SLC4A4: variants seen among roughly 807,000 people sequenced by gnomAD.
The protein encoded by SLC4A4 is solute carrier family 4 member 4.
Under a neutral mutation model 111.5 loss-of-function variants are expected in SLC4A4, and 27 were observed. The observed-to-expected ratio is 0.24, with a 90% CI of 0.18 to 0.33. SLC4A4 has a LOEUF of 0.33. SLC4A4 is among the 10% of genes least tolerant of loss of function. The pLI is 1.00. For missense variants in SLC4A4, 909 were observed against 1,315.5 expected (o/e 0.69, Z 4.78); for synonymous variants, 443 against 463.4 (o/e 0.96, Z 0.57).
intron 3 of SLC4A4, among the ~76,000 whole-genome samples, chr4:71,322,635 T>G (rs1183972582): frequency 1.3e-5 from 2 of 151,988 alleles, no homozygotes; most frequent in Non-Finnish European, 2.9e-5. Context: ...ATGTGTTCAC[T>G]CTTAAGCAGA....
intron 2 of SLC4A4, among the ~76,000 whole-genome samples, chr4:71,164,193 C>T (rs558170079): frequency 6.6e-6 from 1 of 152,190 alleles, no homozygotes; most frequent in South Asian, 2.1e-4. Context: ...CCAGCCTGGC[C>T]AACATGGTGA....
chr4:71,414,557 G>A (rs910819817), intron 7 of SLC4A4, among the ~76,000 whole-genome samples: 1 of 152,124 alleles, frequency 6.6e-6, no homozygotes, highest in African/African-American at 2.4e-5. Flanking sequence ...CTTTTACCAT[G>A]CATGCCTTGA....
intron 3 of SLC4A4, among the ~76,000 whole-genome samples, chr4:71,314,960 A>G (rs1000420589): frequency 1.3e-5 from 2 of 152,192 alleles, no homozygotes; most frequent in Non-Finnish European, 2.9e-5. Flanking sequence ...TTGTGAATTT[A>G]TCAATAACCT....
At chr4:71,143,728 G>A (rs1176588959) in intron 2 of SLC4A4, among the ~76,000 whole-genome samples, 6 of 152,136 alleles carry the variant, frequency 3.9e-5, no homozygotes, top group Non-Finnish European at 4.4e-5. Flanking sequence ...GTGTCTTTTG[G>A]CTGCATAAAT....
intron 3 of SLC4A4, among the ~76,000 whole-genome samples, chr4:71,332,599 T>G (rs573647290): frequency 6.6e-6 from 1 of 151,940 alleles, no homozygotes; most frequent in African/African-American, 2.4e-5. Flanking sequence ...CGCCCGCCAC[T>G]GCGCCCGGCT....
At chr4:71,236,013 T>TA (rs1719773617) in intron 1 of SLC4A4, 1 of 987,810 alleles carries the variant, frequency 1.0e-6, no homozygotes, top group Non-Finnish European at 1.2e-6. Flanking sequence ...CAACAGAGAA[T>TA]ACTGGGCTGT....
At chr4:71,086,464 G>A (rs1019124747) in intron 1 of SLC4A4, among the ~76,000 whole-genome samples, 7 of 151,986 alleles carry the variant, frequency 4.6e-5, no homozygotes, top group Non-Finnish European at 8.8e-5. Flanking sequence ...GGTGAGAGAG[G>A]TCATCCGTGT....
chr4:71,209,905 T>C (rs1438727809), intron 1 of SLC4A4, among the ~76,000 whole-genome samples: 1 of 152,226 alleles, frequency 6.6e-6, no homozygotes, highest in Non-Finnish European at 1.5e-5. Context: ...TTTGGTTGTA[T>C]GTTATTTGGA....
chr4:71,116,299 T>G (rs1386046508), intron 2 of SLC4A4, among the ~76,000 whole-genome samples: 3 of 152,224 alleles, frequency 2.0e-5, no homozygotes, highest in Non-Finnish European at 4.4e-5. Flanking sequence ...GCTTATGTAG[T>G]TTGTCAACAC....
chr4:71,364,885 A>AT (rs1731108172), intron 6 of SLC4A4, among the ~76,000 whole-genome samples: 2 of 152,182 alleles, frequency 1.3e-5, no homozygotes, highest in African/African-American at 2.4e-5. Context: ...GTTTCTCTCC[A>AT]TTTTTTGCCT....
chr4:71,269,838 A>G (rs1025284387), intron 3 of SLC4A4, among the ~76,000 whole-genome samples: 1 of 152,224 alleles, frequency 6.6e-6, no homozygotes, highest in African/African-American at 2.4e-5. Context: ...TTTAGATCCC[A>G]GTATACTTTA....
At chr4:71,198,734 G>A (rs1337249956) in intron 1 of SLC4A4, among the ~76,000 whole-genome samples, 2 of 152,214 alleles carry the variant, frequency 1.3e-5, no homozygotes, top group Non-Finnish European at 2.9e-5. Context: ...GCTGAGGCAG[G>A]AGGATTGCTT....
intron 1 of SLC4A4, among the ~76,000 whole-genome samples, chr4:71,082,470 T>C (rs1207209343): frequency 6.6e-6 from 1 of 152,012 alleles, no homozygotes; most frequent in East Asian, 1.9e-4. Context: ...TGCTGCATGT[T>C]CTTGGTGTTT....
chr4:71,401,298 G>T (rs1333295215), intron 7 of SLC4A4, among the ~76,000 whole-genome samples: 1 of 152,166 alleles, frequency 6.6e-6, no homozygotes, highest in African/African-American at 2.4e-5. Flanking sequence ...AGTAGCGGCT[G>T]CTTTATTGAA....
At chr4:71,476,702 C>T (rs1728403307) in intron 14 of SLC4A4, among the ~76,000 whole-genome samples, 1 of 151,622 alleles carries the variant, frequency 6.6e-6, no homozygotes, top group African/African-American at 2.4e-5. Flanking sequence ...TCTAAATGCA[C>T]TTTTTTCTCC....
chr4:71,318,859 A>G (rs1280028933), intron 3 of SLC4A4, among the ~76,000 whole-genome samples: 1 of 147,318 alleles, frequency 6.8e-6, no homozygotes. Flanking sequence ...TTAATGGCTG[A>G]TTTACATGTG....
chr4:71,454,723 G>T (rs1726069557), intron 12 of SLC4A4, among the ~76,000 whole-genome samples: 1 of 152,044 alleles, frequency 6.6e-6, no homozygotes, highest in Admixed American at 6.6e-5. Context: ...ATTTTAGTTT[G>T]TCAAGTGCAG....
chr4:71,264,004 AG>A (rs1722058482), intron 3 of SLC4A4, among the ~76,000 whole-genome samples: 1 of 152,110 alleles, frequency 6.6e-6, no homozygotes, highest in African/African-American at 2.4e-5. Context: ...AGCATAAAAG[AG>A]GTTACTTATG....
chr4:71,100,964 A>G (rs938136067), intron 2 of SLC4A4, among the ~76,000 whole-genome samples: 6 of 152,182 alleles, frequency 3.9e-5, no homozygotes, highest in African/African-American at 1.4e-4. Context: ...CAAACGGAAA[A>G]ACATGCCATG....
Sources: allele counts gnomAD v4.1 joint callset (sites outside exome capture counted in the v4.1 genomes callset), GRCh38; gene constraint gnomAD v4.1.1; transcripts MANE v1.5; gene names NCBI Gene and HGNC (gene_info 2026-07-23, HGNC 2026-07-21).